Variants in PCTP observed in about 807,000 individuals in gnomAD.
PCTP encodes the protein phosphatidylcholine transfer protein.
A neutral mutation model predicts 31.0 loss-of-function variants in PCTP; 27 were observed. The ratio of observed to expected loss-of-function variants is 0.87; its 90% confidence interval spans 0.64 to 1.20. PCTP has a LOEUF of 1.20. Among genes scored for constraint, PCTP ranks in the 50% most tolerant of loss-of-function variants. The probability of loss-of-function intolerance (pLI) is 0.00; values close to 1 mark genes in which losing one functional copy is unlikely to be tolerated. For synonymous variants in PCTP, 108 were observed against 101.2 expected (o/e 1.07, Z -0.40); for missense variants, 287 against 268.2 (o/e 1.07, Z -0.49).
rs1910724250 is a variant in PCTP at position 55,767,384 on chromosome 17, C to T, written c.191C>T (p.Ser64Leu). The T allele has an allele frequency of 6.2e-7, 1 of 1,613,406 alleles. No homozygotes were observed. The highest frequency in any genetic ancestry group is 1.3e-5 in the African/African-American group (1 of 74,878). The change falls in exon 2 of 6, where the codon TCA (serine) becomes TTA (leucine). Residue 64 changes from serine (S) to leucine (L), a missense_variant. By Grantham distance (145) the Ser-to-Leu change is moderately radical. Transcript: ENST00000268896. ...YKVFGVLEDC[S>L]PTLLADIYMD... Reference sequence around the variant, plus strand: ...GTCTTTGGTGTTCTGGAGGACTGCTCACCAACTCTACTGGCAGACATCTAT... The same window carrying T: ...GTCTTTGGTGTTCTGGAGGACTGCTTACCAACTCTACTGGCAGACATCTAT...
chr17:55,793,909 G>A (rs773408967), intron 3 of PCTP, among the ~76,000 whole-genome samples: 4 of 151,948 alleles, frequency 2.6e-5, no homozygotes, highest in Non-Finnish European at 4.4e-5. Flanking sequence ...AGAAAGTAGC[G>A]GAATTGAATT....
intron 1 of PCTP, among the ~76,000 whole-genome samples, chr17:55,765,869 C>T (rs1385849468): frequency 6.6e-6 from 1 of 152,120 alleles, no homozygotes; most frequent in Non-Finnish European, 1.5e-5. Context: ...CTCCAGACCC[C>T]AGGTTCTTTA....
intron 2 of PCTP, among the ~76,000 whole-genome samples, chr17:55,786,060 A>T (rs958296588): frequency 3.3e-5 from 5 of 152,224 alleles, no homozygotes; most frequent in East Asian, 3.8e-4. Flanking sequence ...AGGCAGGCAG[A>T]TCACTTGAGG....
At chr17:55,763,211 CTTA>C (rs1176075196) in intron 1 of PCTP, among the ~76,000 whole-genome samples, 4 of 152,096 alleles carry the variant, frequency 2.6e-5, no homozygotes, top group Non-Finnish European at 5.9e-5. Flanking sequence ...CACATCAGAT[CTTA>C]TTATAGTAGC....
At chr17:55,847,160 T>G (rs1946649205), downstream of PCTP, among the ~76,000 whole-genome samples, 1 of 152,226 alleles carries the variant, frequency 6.6e-6, no homozygotes, top group Non-Finnish European at 1.5e-5. Context: ...ACCTAACATC[T>G]TATGTAAGGA....
At chr17:55,765,132 T>G (rs1374789441) in intron 1 of PCTP, among the ~76,000 whole-genome samples, 1 of 152,214 alleles carries the variant, frequency 6.6e-6, no homozygotes, top group Non-Finnish European at 1.5e-5. Context: ...TCTTTTGTTT[T>G]TCATTTTCAG....
At chr17:55,829,334 G>A (rs1354714764) in intron 5 of PCTP, among the ~76,000 whole-genome samples, 2 of 152,024 alleles carry the variant, frequency 1.3e-5, no homozygotes, top group African/African-American at 4.8e-5. Flanking sequence ...TTGTTGAGGT[G>A]GAGCCTTGCT....
At chr17:55,815,657 G>A (rs955772864) in intron 3 of PCTP, among the ~76,000 whole-genome samples, 1 of 152,092 alleles carries the variant, frequency 6.6e-6, no homozygotes, top group Non-Finnish European at 1.5e-5. Context: ...CTTCTTGTTA[G>A]TCTAAAGGAA....
chr17:55,802,666 C>T (rs911251644), intron 3 of PCTP, among the ~76,000 whole-genome samples: 1 of 152,160 alleles, frequency 6.6e-6, no homozygotes, highest in African/African-American at 2.4e-5. Context: ...ACATTCAACA[C>T]CCTTTCATGC....
intron 3 of PCTP, among the ~76,000 whole-genome samples, chr17:55,808,579 A>C (rs1259829938): frequency 2.0e-5 from 3 of 152,202 alleles, no homozygotes; most frequent in Non-Finnish European, 2.9e-5. Context: ...CATGTGGCAA[A>C]ACAAGGGTCA....
intron 1 of PCTP, among the ~76,000 whole-genome samples, chr17:55,764,922 A>C (rs1297942138): frequency 6.6e-6 from 1 of 152,246 alleles, no homozygotes; most frequent in Non-Finnish European, 1.5e-5. Flanking sequence ...TTAATAATAG[A>C]GCCTTTAGGC....
chr17:55,843,923 C>T (rs1310701886), downstream of PCTP, among the ~76,000 whole-genome samples: 1 of 152,146 alleles, frequency 6.6e-6, no homozygotes, highest in Non-Finnish European at 1.5e-5. Flanking sequence ...ACACTAATGT[C>T]AGTGACAGAG....
At chr17:55,782,444 A>G (rs535838808) in intron 2 of PCTP, among the ~76,000 whole-genome samples, 1 of 152,356 alleles carries the variant, frequency 6.6e-6, no homozygotes, top group Admixed American at 6.5e-5. Flanking sequence ...GCGAGGCACT[A>G]GATTGGATGC....
At chr17:55,847,001 T>C (rs1487666190), downstream of PCTP, among the ~76,000 whole-genome samples, 1 of 152,220 alleles carries the variant, frequency 6.6e-6, no homozygotes. Flanking sequence ...CTTTGTTCAA[T>C]GGTGTTATCT....
chr17:55,832,394 A>C (rs777050877), intron 5 of PCTP, among the ~76,000 whole-genome samples: 19 of 152,244 alleles, frequency 1.2e-4, no homozygotes, highest in Admixed American at 2.0e-4. Context: ...GGGGAAAAGA[A>C]GAAGAGAAAT....
intron 5 of PCTP, among the ~76,000 whole-genome samples, chr17:55,833,400 TTCTC>T (rs1352834600): frequency 6.6e-6 from 1 of 152,194 alleles, no homozygotes; most frequent in Non-Finnish European, 1.5e-5. Context: ...TCCTCTGAAT[TTCTC>T]TAAAGGCTTT....
intron 1 of PCTP, among the ~76,000 whole-genome samples, chr17:55,756,268 A>G (rs961043293): frequency 6.6e-6 from 1 of 152,246 alleles, no homozygotes; most frequent in African/African-American, 2.4e-5. Flanking sequence ...CCCATAGTAT[A>G]TGATGAAATG....
chr17:55,787,889 T>C (rs184879955), intron 3 of PCTP, among the ~76,000 whole-genome samples: 1 of 152,284 alleles, frequency 6.6e-6, no homozygotes, highest in Admixed American at 6.5e-5. Context: ...TTCCCTTCTC[T>C]ATTCTTCTCG....
intron 5 of PCTP, among the ~76,000 whole-genome samples, chr17:55,830,699 A>G (rs902983516): frequency 3.3e-5 from 5 of 152,358 alleles, no homozygotes; most frequent in Admixed American, 2.6e-4. Flanking sequence ...CAGAATAATT[A>G]AAACAGTGCA....
Sources: gnomAD v4.1 joint callset for allele counts (sites outside exome capture counted in the v4.1 genomes callset) on GRCh38, gnomAD v4.1.1 for gene constraint, MANE v1.5 for transcripts, NCBI Gene and HGNC (gene_info 2026-07-23, HGNC 2026-07-21) for gene names.